TNFAIP8: variants seen among roughly 807,000 people sequenced by gnomAD.
TNFAIP8 encodes TNF alpha induced protein 8, also known as tumor necrosis factor alpha-induced protein 8.
TNFAIP8 carries 7 observed loss-of-function variants against 13.3 expected under a neutral mutation model. That is an observed-to-expected ratio of 0.52 (90% CI 0.30 to 0.99). The LOEUF (loss-of-function observed/expected upper bound fraction) is 0.99. TNFAIP8 is among the 50% of genes least tolerant of loss of function. The pLI is 0.07. For synonymous variants in TNFAIP8, 94 were observed against 87.6 expected (o/e 1.07, Z -0.41); for missense variants, 258 against 236.9 (o/e 1.09, Z -0.58).
upstream of TNFAIP8, chr5:119,355,345 G>A (rs1328653738): frequency 1.4e-6 from 1 of 702,414 alleles, no homozygotes; most frequent in East Asian, 2.7e-5. Flanking sequence ...GCTCGCCCGG[G>A]GCTATACTGA....
In TNFAIP8 at chr5:119,315,042, C is replaced by T. The variant is rs766710145; in HGVS notation, c.1+46135C>T. On this transcript the variant is annotated intron_variant, in intron 1 of 1. Transcript: ENST00000274456. ...GATCACAGGCACTCACCACTACGCC[C>T]GGCTAATTTTTGTGTGTGTGTGGTT... 1.2e-4 allele frequency among the ~76,000 whole-genome samples: 18 copies of T among 150,068 alleles called. 1 individual carries two copies. Among genetic ancestry groups the T allele is most frequent in the Non-Finnish European group, 2.4e-4 (16 of 67,994 alleles).
intron 1 of TNFAIP8, among the ~76,000 whole-genome samples, chr5:119,294,690 T>A (rs1297536066): frequency 1.3e-5 from 2 of 152,166 alleles, no homozygotes; most frequent in Admixed American, 6.5e-5. Flanking sequence ...CTCCACATCC[T>A]CTCCAGCACC....
intron 1 of TNFAIP8, among the ~76,000 whole-genome samples, chr5:119,373,405 C>T (rs769151871): frequency 3.0e-4 from 45 of 152,208 alleles, no homozygotes; most frequent in Non-Finnish European, 5.7e-4. Flanking sequence ...CACTTCAAAA[C>T]TTTCCTCACC....
intron 1 of TNFAIP8, among the ~76,000 whole-genome samples, chr5:119,308,946 C>T (rs943512582): frequency 6.6e-6 from 1 of 152,008 alleles, no homozygotes; most frequent in African/African-American, 2.4e-5. Context: ...GACTCATGCT[C>T]TCTCCAGTTA....
chr5:119,324,770 G>GA (rs1750169201), intron 1 of TNFAIP8, among the ~76,000 whole-genome samples: 1 of 151,576 alleles, frequency 6.6e-6, no homozygotes, highest in Non-Finnish European at 1.5e-5. Context: ...TCACTACCCA[G>GA]AAAAAAATAT....
chr5:119,283,295 G>C (rs1212840341), intron 1 of TNFAIP8, among the ~76,000 whole-genome samples: 6 of 152,146 alleles, frequency 3.9e-5, no homozygotes, highest in Non-Finnish European at 8.8e-5. Flanking sequence ...ATGACACTTA[G>C]CTTTTAAAAG....
intron 1 of TNFAIP8, among the ~76,000 whole-genome samples, chr5:119,390,972 C>G (rs1336599799): frequency 6.7e-6 from 1 of 148,678 alleles, no homozygotes; most frequent in Non-Finnish European, 1.5e-5. Context: ...GTGCATGCCA[C>G]CACACCTGGC....
intron 1 of TNFAIP8, among the ~76,000 whole-genome samples, chr5:119,303,134 G>T (rs751737674): frequency 4.0e-4 from 61 of 152,142 alleles, no homozygotes; most frequent in Non-Finnish European, 3.1e-4. Flanking sequence ...TTTCCCCACA[G>T]ATTCCTTTAG....
chr5:119,354,616 C>T (rs1387151159), upstream of TNFAIP8: 1 of 152,120 alleles, frequency 6.6e-6, no homozygotes, highest in East Asian at 1.9e-4. Context: ...TTTCAAATCC[C>T]TTTGTGCTTA....
chr5:119,372,450 A>G (rs1258966403), intron 1 of TNFAIP8, among the ~76,000 whole-genome samples: 7 of 152,172 alleles, frequency 4.6e-5, no homozygotes, highest in Non-Finnish European at 1.0e-4. Context: ...AATAACAGCT[A>G]GATATGATCA....
chr5:119,390,911 C>G (rs989736515), intron 1 of TNFAIP8, among the ~76,000 whole-genome samples: 1 of 152,016 alleles, frequency 6.6e-6, no homozygotes, highest in Admixed American at 6.5e-5. Flanking sequence ...CTCAACTTCC[C>G]AGGCTCAGAT....
chr5:119,399,152 G>A lies in TNFAIP8; in HGVS notation c.*5771G>A, dbSNP rs1753140023. On this transcript the variant is annotated 3_prime_UTR_variant, in exon 2 of 2. Coordinates refer to ENST00000504771, the MANE Select transcript of TNFAIP8 (RefSeq NM_014350.4). ...CACTGGAGAACATGGTGAAATCCAC[G>A]AGTGGAAACGTTCCATGGTATTTTC... 1 of 152,150 alleles carries A rather than the reference G, an allele frequency of 6.6e-6. No homozygotes were observed. The highest frequency in any genetic ancestry group is 2.4e-5 in the African/African-American group (1 of 41,440). The allele number at this position is 152,150 out of a possible 1,614,324, so 9.4% of individuals were successfully genotyped here.
At chr5:119,282,864 A>T (rs1476364562) in intron 1 of TNFAIP8, among the ~76,000 whole-genome samples, 1 of 152,168 alleles carries the variant, frequency 6.6e-6, no homozygotes, top group East Asian at 1.9e-4. Flanking sequence ...GCAGGGCACT[A>T]CAAAATGGGA....
chr5:119,341,353 C>T (rs1750731388), intron 1 of TNFAIP8, among the ~76,000 whole-genome samples: 1 of 152,114 alleles, frequency 6.6e-6, no homozygotes, highest in African/African-American at 2.4e-5. Flanking sequence ...AGTCGTGAGA[C>T]CTGTGGTAAA....
intron 1 of TNFAIP8, among the ~76,000 whole-genome samples, chr5:119,361,411 G>A (rs1217737396): frequency 6.6e-6 from 1 of 152,212 alleles, no homozygotes; most frequent in East Asian, 1.9e-4. Flanking sequence ...ATTGAGTAAA[G>A]CCTGTTAGTT....
At chr5:119,281,753 A>G (rs548175918) in intron 1 of TNFAIP8, among the ~76,000 whole-genome samples, 1 of 152,354 alleles carries the variant, frequency 6.6e-6, no homozygotes, top group South Asian at 2.1e-4. Context: ...TGTTGTATAT[A>G]TCATGCTTAT....
intron 1 of TNFAIP8, among the ~76,000 whole-genome samples, chr5:119,321,216 C>CA (rs1234153829): frequency 2.0e-5 from 3 of 151,664 alleles, no homozygotes; most frequent in Non-Finnish European, 2.9e-5. Context: ...GACTCCATCT[C>CA]AAAAAAAAGA....
rs1562004266 is a variant in TNFAIP8, at chr5:119,332,322, T to TCTTACGGAAG, written c.2-60494_2-60493insCTTACGGAAG. 2.0e-4 allele frequency among the ~76,000 whole-genome samples: 31 copies of TCTTACGGAAG among 152,302 alleles called. 1 individual carries two copies. The highest frequency in any genetic ancestry group is 7.5e-4 in the African/African-American group (31 of 41,566). Reference sequence around the variant, plus strand: ...AAATCTTAATAGCAATTCTGTGACATTGATGATGTTATTCTCATCTTACGG... The same window carrying TCTTACGGAAG: ...AAATCTTAATAGCAATTCTGTGACATCTTACGGAAGTGATGATGTTATTCTCATCTTACGG... On this transcript the variant is annotated intron_variant, in intron 1 of 1. Transcript: ENST00000274456.
chr5:119,381,744 C>A (rs1452024915), intron 1 of TNFAIP8, among the ~76,000 whole-genome samples: 1 of 151,822 alleles, frequency 6.6e-6, no homozygotes, highest in Non-Finnish European at 1.5e-5. Flanking sequence ...GACAGAGTGG[C>A]CAATATGGTG....
Sources: gnomAD v4.1 joint callset for allele counts (sites outside exome capture counted in the v4.1 genomes callset) on GRCh38, gnomAD v4.1.1 for gene constraint, MANE v1.5 for transcripts, NCBI Gene and HGNC (gene_info 2026-07-23, HGNC 2026-07-21) for gene names.